Variants in DHRS4 observed in about 807,000 individuals in gnomAD.
DHRS4 encodes the protein dehydrogenase/reductase 4, also known as dehydrogenase/reductase SDR family member 4.
DHRS4 carries 20 observed loss-of-function variants against 28.4 expected under a neutral mutation model. That is an observed-to-expected ratio of 0.71 (90% CI 0.50 to 1.02). The LOEUF is 1.02. Ranked by LOEUF, DHRS4 falls within the 50% of genes least tolerant of loss-of-function variation. DHRS4 has a pLI of 0.00. For missense variants in DHRS4, 378 were observed against 367.2 expected, an observed-to-expected ratio of 1.03 and a Z score of -0.24; for synonymous variants, 144 against 146.4, an observed-to-expected ratio of 0.98 and a Z score of 0.12.
intron 6 of DHRS4, 138 bp from the exon 7 acceptor site, chr14:23,967,073 T>C (rs949397288): frequency 4.6e-6 from 4 of 866,958 alleles, no homozygotes; most frequent in Non-Finnish European, 7.0e-6. Flanking sequence ...GAGAATGGCA[T>C]AACCCGGGAG....
chr14:23,953,780 G>A lies in DHRS4; in HGVS notation c.-9G>A. 6.2e-7 allele frequency: 1 copy of A among 1,613,990 alleles called. No homozygotes were observed. Among genetic ancestry groups the A allele is most frequent in the South Asian group, 1.1e-5 (1 of 91,084 alleles). On this transcript the variant is annotated 5_prime_UTR_variant, in exon 1 of 8. Coordinates refer to ENST00000313250, the MANE Select transcript of DHRS4 (RefSeq NM_021004.4). ...GGAAGAGTGGAACCCATACTTGCTG[G>A]TCTGATCCATGCACAAGGCGGGGCT...
At chr14:23,966,720 A>G (rs1343824065) in intron 6 of DHRS4, among the ~76,000 whole-genome samples, 1 of 152,206 alleles carries the variant, frequency 6.6e-6, no homozygotes, top group Non-Finnish European at 1.5e-5. Context: ...AACAAATGAA[A>G]CAGATGAGGG....
At chr14:23,956,156 T>C (rs898247058) in intron 2 of DHRS4, among the ~76,000 whole-genome samples, 1 of 152,116 alleles carries the variant, frequency 6.6e-6, no homozygotes, top group African/African-American at 2.4e-5. Flanking sequence ...AAGAGCCAAA[T>C]ATGAGTCCAA....
intron 3 of DHRS4, among the ~76,000 whole-genome samples, chr14:23,960,299 T>C (rs2033365205): frequency 6.6e-6 from 1 of 152,084 alleles, no homozygotes. Flanking sequence ...CCTTGTTGAT[T>C]TCCAACAGAG....
Position 23,965,905 on chromosome 14 carries a change from A to G in DHRS4, c.480-27A>G, listed in dbSNP as rs779402106. ...CTGAGGGCACTGGTCCACAATGGGA[A>G]GATGGTCAGCTCTCTTCTTTTTCCA... On this transcript the variant is annotated intron_variant, in intron 4 of 7. Coordinates refer to ENST00000313250, the MANE Select transcript of DHRS4 (RefSeq NM_021004.4). The G allele has an allele frequency of 2.7e-5, 44 of 1,606,914 alleles. 2 individuals are homozygous for G. The highest frequency in any genetic ancestry group is 1.7e-4 in the Middle Eastern group (1 of 6,040).
intron 2 of DHRS4, among the ~76,000 whole-genome samples, chr14:23,957,111 C>A (rs2224686): frequency 1.3e-5 from 2 of 151,916 alleles, no homozygotes; most frequent in African/African-American, 4.9e-5. Flanking sequence ...TGTTGCTGTC[C>A]TCCAGGTTTA....
At chr14:23,961,571 G>A (rs1003899501) in intron 3 of DHRS4, among the ~76,000 whole-genome samples, 1 of 125,214 alleles carries the variant, frequency 8.0e-6, no homozygotes, top group African/African-American at 3.7e-5. Context: ...GAGGCTAGAG[G>A]GCTGTGGTGT....
intron 2 of DHRS4, among the ~76,000 whole-genome samples, chr14:23,956,518 C>CCACAGTGGA (rs2033164742): frequency 6.6e-6 from 1 of 151,826 alleles, no homozygotes; most frequent in Non-Finnish European, 1.5e-5. Flanking sequence ...CACTGTCAGG[C>CCACAGTGGA]CACAGTGGAG....
chr14:23,962,861 A>G (rs984047944), intron 3 of DHRS4, among the ~76,000 whole-genome samples: 1 of 149,090 alleles, frequency 6.7e-6, no homozygotes, highest in African/African-American at 2.6e-5. Flanking sequence ...TTCTTAAATA[A>G]TAAGTCTTGG....
Position 23,953,801 on chromosome 14 carries a change from G to C in DHRS4, c.13G>C (p.Gly5Arg). ...GCTGGTCTGATCCATGCACAAGGCG[G>C]GGCTGCTAGGCCTCTGTGCCCGGGC... MHKA[G>R]LLGLCARAWN... Residue 5 changes from glycine to arginine, a missense_variant, in exon 1 of 8, where the codon GGG (glycine) becomes CGG (arginine). Coordinates refer to ENST00000313250, the MANE Select transcript of DHRS4 (RefSeq NM_021004.4). The C allele has an allele frequency of 1.2e-6, 2 of 1,614,082 alleles. No individual in the cohort carries two copies. The highest frequency in any genetic ancestry group is 1.7e-6 in the Non-Finnish European group (2 of 1,179,984).
At chr14:23,956,379 G>T (rs1367042544) in intron 2 of DHRS4, among the ~76,000 whole-genome samples, 1 of 152,196 alleles carries the variant, frequency 6.6e-6, no homozygotes, top group Non-Finnish European at 1.5e-5. Context: ...TACAGGCCTG[G>T]CCCAGAGGTG....
chr14:23,968,718 T>G, intron 7 of DHRS4, 39 bp from the exon 8 acceptor site: 1 of 1,603,582 alleles, frequency 6.2e-7, no homozygotes, highest in Non-Finnish European at 8.5e-7. Context: ...GCAGAACTGT[T>G]TGATTTTTAC....
At chr14:23,960,245 A>C (rs927013943) in intron 3 of DHRS4, among the ~76,000 whole-genome samples, 2 of 151,970 alleles carry the variant, frequency 1.3e-5, no homozygotes, top group Non-Finnish European at 2.9e-5. Context: ...CACTAGCCAC[A>C]GTCTGCTCCT....
At position 23,968,997 on chromosome 14, in the gene DHRS4, G is replaced by C. The variant is rs2033757256; in HGVS notation, c.*126G>C. ...CACCTCATCAAATCAGTTCTGCCCT[G>C]TGAAAAGATCCAGCCTTCCCTGCCG... On this transcript the variant is annotated 3_prime_UTR_variant, in exon 8 of 8. Coordinates refer to ENST00000313250, the MANE Select transcript of DHRS4 (RefSeq NM_021004.4). The C allele has an allele frequency of 7.7e-7, 1 of 1,297,656 alleles. No homozygotes were observed. Among genetic ancestry groups the C allele is most frequent in the Non-Finnish European group, 1.0e-6 (1 of 965,406 alleles). 80.4% of individuals were successfully genotyped at this position (1,297,656 alleles called of 1,614,324 possible). A position where few individuals can be genotyped will look rare whatever the true frequency, so the allele number is the denominator to read the frequency against.
At chr14:23,957,604 T>G (rs2138438422) in intron 2 of DHRS4, among the ~76,000 whole-genome samples, 1 of 151,228 alleles carries the variant, frequency 6.6e-6, no homozygotes, top group Middle Eastern at 3.4e-3. Context: ...TTGCCCAGGC[T>G]GCAGTGCAGT....
At chr14:23,962,758 T>C (rs1255804875) in intron 3 of DHRS4, among the ~76,000 whole-genome samples, 13 of 151,234 alleles carry the variant, frequency 8.6e-5, no homozygotes, top group Middle Eastern at 3.4e-3. Context: ...GCATCTAAAA[T>C]GGTGCATCCT....
chr14:23,966,475 G>A, intron 6 of DHRS4, 58 bp downstream of exon 6: 1 of 1,604,192 alleles, frequency 6.2e-7, no homozygotes, highest in Non-Finnish European at 8.5e-7. Flanking sequence ...CCATCTTCTT[G>A]GACAGGGAAG....
At position 23,968,907 on chromosome 14, in the gene DHRS4, C is replaced by G; in HGVS notation, c.*36C>G. On this transcript the variant is annotated 3_prime_UTR_variant, in exon 8 of 8. Coordinates refer to ENST00000313250, the MANE Select transcript of DHRS4 (RefSeq NM_021004.4). ...ACAGCCCACAGGCCAGAGTTGGGCT[C>G]TAGCTCCTGGTGCTGTTCCCGCATT... The G allele has an allele frequency of 6.2e-7, 1 of 1,605,336 alleles. No homozygotes were observed.
intron 3 of DHRS4, among the ~76,000 whole-genome samples, chr14:23,965,025 A>G (rs577856295): frequency 6.6e-5 from 10 of 152,008 alleles, no homozygotes; most frequent in Middle Eastern, 3.4e-3. Context: ...GAGGACAAAT[A>G]GGACAAAATG....
Sources: allele counts gnomAD v4.1 joint callset (sites outside exome capture counted in the v4.1 genomes callset), GRCh38; gene constraint gnomAD v4.1.1; transcripts MANE v1.5; gene names NCBI Gene and HGNC (gene_info 2026-07-23, HGNC 2026-07-21).